Variants in ERC1 observed in about 807,000 individuals in gnomAD.
ERC1 encodes ELKS/RAB6-interacting/CAST family member 1.
In ERC1, 56 loss-of-function variants were observed where a neutral mutation model predicts 132.0. The observed-to-expected ratio is 0.42, with a 90% CI of 0.34 to 0.53. The LOEUF (loss-of-function observed/expected upper bound fraction) is 0.53, where lower values mean the gene tolerates loss of function less well. Ranked by LOEUF, ERC1 falls within the 20% of genes least tolerant of loss-of-function variation. The pLI, the probability that ERC1 is intolerant of heterozygous loss-of-function variation, is 0.03. For missense variants in ERC1, 1,202 were observed against 1,349.9 expected, an observed-to-expected ratio of 0.89 and a Z score of 1.72; for synonymous variants, 478 against 476.1, an observed-to-expected ratio of 1.00 and a Z score of -0.05.
At chr12:1,208,957 ATTTTTTTTTTTTTTTTT>A (rs538961813) in intron 12 of ERC1, among the ~76,000 whole-genome samples, 3 of 71,610 alleles carry the variant, frequency 4.2e-5, no homozygotes, top group Admixed American at 1.7e-4. Flanking sequence ...CGCCCAGCTG[ATTTTTTTTTTTTTTTTT>A]TTTTTTTTTT....
intron 16 of ERC1, among the ~76,000 whole-genome samples, chr12:1,384,119 AC>A (rs1422050882): frequency 6.6e-5 from 10 of 152,128 alleles, no homozygotes; most frequent in African/African-American, 2.4e-4. Flanking sequence ...ATTATTAATA[AC>A]CCCATCATAC....
At chr12:1,053,806 C>A (rs1972461981) in intron 2 of ERC1, among the ~76,000 whole-genome samples, 1 of 152,104 alleles carries the variant, frequency 6.6e-6, no homozygotes, top group Non-Finnish European at 1.5e-5. Flanking sequence ...ATAATATATG[C>A]AGGTAGTAGA....
intron 15 of ERC1, among the ~76,000 whole-genome samples, chr12:1,325,554 A>G (rs76579558): frequency 0.025 from 3,850 of 152,278 alleles, 76 homozygotes; most frequent in South Asian, 0.081. Context: ...TTATAAATTT[A>G]ATATTAGAAG....
Position 1,466,176 on chromosome 12 carries a change from G to A in ERC1, c.3213+21426G>A, listed in dbSNP as rs563382390. Among the ~76,000 whole-genome samples the A allele has an allele frequency of 5.9e-5, 9 of 152,270 alleles. No individual in the cohort carries two copies. In the East Asian group the frequency reaches 1.4e-3, roughly 23 times the overall value. On this transcript the variant is annotated intron_variant, in intron 18 of 18. Transcript: ENST00000360905. ...TCACAGTTCTGGAGGCTGGAAGTCC[G>A]AGATCAAGGGGTCGGCAGGGTTGGT...
intron 7 of ERC1, among the ~76,000 whole-genome samples, chr12:1,126,687 G>T (rs1056712632): frequency 6.6e-6 from 1 of 151,986 alleles, no homozygotes. Context: ...TTCAGATAAA[G>T]AATAAAAAAG....
intron 16 of ERC1, among the ~76,000 whole-genome samples, chr12:1,396,709 C>G (rs757659079): frequency 4.4e-4 from 67 of 152,222 alleles, no homozygotes; most frequent in Middle Eastern, 6.8e-3. Flanking sequence ...GTGTGTGAGC[C>G]TATGCAGCAG....
intron 15 of ERC1, among the ~76,000 whole-genome samples, chr12:1,295,975 GA>G (rs1328372860): frequency 1.5e-5 from 2 of 129,122 alleles, no homozygotes; most frequent in Admixed American, 1.7e-4. Context: ...GCATGCAGTA[GA>G]AATCACCTCT....
chr12:1,434,817 T>G (rs113359667), intron 17 of ERC1, among the ~76,000 whole-genome samples: 525 of 152,346 alleles, frequency 3.4e-3, no homozygotes, highest in Middle Eastern at 6.8e-3. Context: ...TTTACCATGC[T>G]GAGCCTCTTT....
At chr12:1,075,294 G>A (rs10848433) in intron 2 of ERC1, among the ~76,000 whole-genome samples, 8 of 151,890 alleles carry the variant, frequency 5.3e-5, no homozygotes, top group African/African-American at 1.9e-4. Context: ...TTGACCAGGG[G>A]CCTGATAACA....
chr12:1,094,265 C>T (rs567487959), intron 3 of ERC1, among the ~76,000 whole-genome samples: 22 of 151,370 alleles, frequency 1.5e-4, no homozygotes, highest in Middle Eastern at 3.4e-3. Flanking sequence ...GTGATCCTCC[C>T]GGCTCGGCCT....
At chr12:1,219,642 T>TTTTTC (rs1958779422) in intron 12 of ERC1, among the ~76,000 whole-genome samples, 1 of 151,026 alleles carries the variant, frequency 6.6e-6, no homozygotes, top group African/African-American at 2.5e-5. Context: ...TCTCTTTTTT[T>TTTTTC]TTTTTTCTTT....
At chr12:998,921 A>G (rs561029928) in intron 1 of ERC1, among the ~76,000 whole-genome samples, 1 of 140,246 alleles carries the variant, frequency 7.1e-6, no homozygotes, top group East Asian at 2.1e-4. Context: ...GTGCAGTGGC[A>G]CAATCTTGGC....
intron 15 of ERC1, among the ~76,000 whole-genome samples, chr12:1,297,587 T>C (rs146755095): frequency 3.4e-4 from 51 of 150,464 alleles, no homozygotes; most frequent in African/African-American, 1.1e-3. Flanking sequence ...GCTCATACTC[T>C]TGTTCCAATT....
At chr12:1,001,491 A>G (rs1029926983) in intron 1 of ERC1, among the ~76,000 whole-genome samples, 1 of 152,254 alleles carries the variant, frequency 6.6e-6, no homozygotes, top group Non-Finnish European at 1.5e-5. Flanking sequence ...ACATTCCACA[A>G]GCTTTCCTTG....
chr12:1,318,173 A>G (rs888898693), intron 15 of ERC1, among the ~76,000 whole-genome samples: 4 of 152,182 alleles, frequency 2.6e-5, no homozygotes, highest in Non-Finnish European at 5.9e-5. Flanking sequence ...TTAAAAGCAG[A>G]TTTTATTTTT....
intron 2 of ERC1, among the ~76,000 whole-genome samples, chr12:1,055,348 T>G (rs1972755823): frequency 6.6e-6 from 1 of 152,032 alleles, no homozygotes; most frequent in Non-Finnish European, 1.5e-5. Context: ...CCCGGCTAAT[T>G]TTTGTATTTT....
chr12:1,217,885 T>G (rs1566280913), intron 12 of ERC1, among the ~76,000 whole-genome samples: 1 of 152,332 alleles, frequency 6.6e-6, no homozygotes, highest in East Asian at 1.9e-4. Flanking sequence ...GCAAGTGTCT[T>G]CCTACACTGC....
At chr12:1,404,111 A>C (rs1225620673) in intron 16 of ERC1, among the ~76,000 whole-genome samples, 1 of 152,186 alleles carries the variant, frequency 6.6e-6, no homozygotes, top group Non-Finnish European at 1.5e-5. Context: ...AAACAATAGA[A>C]ATTTATTGCT....
chr12:1,157,193 C>T (rs1021554125), intron 8 of ERC1, among the ~76,000 whole-genome samples: 2 of 152,152 alleles, frequency 1.3e-5, no homozygotes, highest in African/African-American at 4.8e-5. Context: ...ACCTCTACCT[C>T]CCAGGCTCCA....
Sources: allele counts gnomAD v4.1 joint callset (sites outside exome capture counted in the v4.1 genomes callset), GRCh38; gene constraint gnomAD v4.1.1; transcripts MANE v1.5; gene names NCBI Gene and HGNC (gene_info 2026-07-23, HGNC 2026-07-21).